Variants in CSMD1 observed in about 807,000 individuals in gnomAD.
The protein encoded by CSMD1 is CUB and sushi domain-containing protein 1.
A neutral mutation model predicts 417.5 loss-of-function variants in CSMD1; 213 were observed. That is an observed-to-expected ratio of 0.51 (90% CI 0.46 to 0.57). The LOEUF is 0.57. Ranked by LOEUF, CSMD1 falls within the 20% of genes least tolerant of loss-of-function variation. The probability of loss-of-function intolerance (pLI) is 0.00; values close to 1 mark genes in which losing one functional copy is unlikely to be tolerated. For synonymous variants in CSMD1, 2,862 were observed against 1,736.8 expected (o/e 1.65, Z -16.11); for missense variants, 6,923 against 4,529.7 (o/e 1.53, Z -15.17).
At chr8:4,218,289 T>C (rs1437673147) in intron 3 of CSMD1, among the ~76,000 whole-genome samples, 1 of 152,232 alleles carries the variant, frequency 6.6e-6, no homozygotes, top group East Asian at 1.9e-4. Flanking sequence ...CATCCAAGTT[T>C]GACTTTCCTA....
At chr8:4,501,435 T>C (rs1206478535) in intron 2 of CSMD1, among the ~76,000 whole-genome samples, 2 of 152,134 alleles carry the variant, frequency 1.3e-5, no homozygotes, top group Non-Finnish European at 2.9e-5. Flanking sequence ...TTTGAAGAAG[T>C]CGAGGTGGAT....
At chr8:3,586,524 A>G (rs1800609644) in intron 8 of CSMD1, among the ~76,000 whole-genome samples, 1 of 152,032 alleles carries the variant, frequency 6.6e-6, no homozygotes, top group Non-Finnish European at 1.5e-5. Flanking sequence ...CATGACTAAG[A>G]CAGAATAAAA....
chr8:3,175,513 T>TGCC, intron 37 of CSMD1, among the ~76,000 whole-genome samples: 8 of 53,774 alleles, frequency 1.5e-4, no homozygotes, highest in South Asian at 8.1e-4. Context: ...GCCTGCCTTT[T>TGCC]TTCCTTCCTT....
At chr8:3,165,148 C>T (rs1454768893) in intron 37 of CSMD1, among the ~76,000 whole-genome samples, 2 of 152,164 alleles carry the variant, frequency 1.3e-5, no homozygotes, top group East Asian at 3.9e-4. Context: ...ATCTTTTCTT[C>T]TCCCTTCGCC....
chr8:4,135,331 G>C (rs897175905), intron 3 of CSMD1, among the ~76,000 whole-genome samples: 1 of 23,736 alleles, frequency 4.2e-5, no homozygotes, highest in Non-Finnish European at 1.0e-4. Flanking sequence ...AGCGAAGGAA[G>C]GGGAAAGAAG....
chr8:3,169,629 G>T (rs1045407467), intron 37 of CSMD1, among the ~76,000 whole-genome samples: 3 of 152,116 alleles, frequency 2.0e-5, no homozygotes, highest in African/African-American at 7.2e-5. Context: ...TGAACTGTAC[G>T]CTTAACAATA....
intron 30 of CSMD1, among the ~76,000 whole-genome samples, chr8:3,208,261 G>A (rs1325626161): frequency 1.3e-5 from 2 of 152,194 alleles, no homozygotes; most frequent in African/African-American, 2.4e-5. Flanking sequence ...AATTATTAGC[G>A]ATGGTAAAGT....
chr8:3,110,054 G>C (rs898509), intron 43 of CSMD1, 104 bp downstream of exon 43: 119,917 of 953,774 alleles, frequency 0.13, 8,322 homozygotes, highest in Non-Finnish European at 0.14. Context: ...TAGTATCTAA[G>C]AAGTTTATTC....
intron 2 of CSMD1, among the ~76,000 whole-genome samples, chr8:4,637,067 C>T (rs1206865100): frequency 6.6e-6 from 1 of 152,110 alleles, no homozygotes; most frequent in East Asian, 1.9e-4. Context: ...ACAAAAGCAG[C>T]CCAACGGGTT....
rs78348544 is a variant in CSMD1, at chr8:2,968,840, G to A, written c.8924-2094C>T. Among the ~76,000 whole-genome samples, 848 of 152,158 alleles carry A rather than the reference G, an allele frequency of 5.6e-3. 6 individuals carry two copies. Among genetic ancestry groups the A allele is most frequent in the African/African-American group, 0.019 (788 of 41,528 alleles). On this transcript the variant is annotated intron_variant, in intron 57 of 69. Transcript: ENST00000635120. The stretch of plus-strand genomic sequence containing the variant: ...AACTTTGCCATATTTTCTCTTTCCT[G>A]AGTTTATTTTCTTTTGAAATATGCT...
chr8:4,083,212 C>G (rs913269269), intron 3 of CSMD1, among the ~76,000 whole-genome samples: 6 of 152,146 alleles, frequency 3.9e-5, no homozygotes, highest in Non-Finnish European at 8.8e-5. Flanking sequence ...AATGGTTGAA[C>G]TAGTTTACAG....
intron 5 of CSMD1, among the ~76,000 whole-genome samples, chr8:3,841,829 G>C (rs1803156936): frequency 6.6e-6 from 1 of 152,082 alleles, no homozygotes; most frequent in South Asian, 2.1e-4. Flanking sequence ...AAAGCACCGA[G>C]ACTTTGCATC....
At chr8:4,950,574 G>C (rs1030232102) in intron 1 of CSMD1, among the ~76,000 whole-genome samples, 29 of 152,066 alleles carry the variant, frequency 1.9e-4, no homozygotes, top group African/African-American at 7.0e-4. Context: ...TATAAATTTA[G>C]TTTCTATGTA....
At chr8:4,189,782 G>A (rs937852359) in intron 3 of CSMD1, among the ~76,000 whole-genome samples, 1 of 152,044 alleles carries the variant, frequency 6.6e-6, no homozygotes, top group East Asian at 1.9e-4. Context: ...GCACACAAAG[G>A]ATAATTTTAT....
At chr8:3,336,378 A>G (rs1389619344) in intron 23 of CSMD1, among the ~76,000 whole-genome samples, 1 of 152,174 alleles carries the variant, frequency 6.6e-6, no homozygotes, top group Non-Finnish European at 1.5e-5. Context: ...AGCCTTTTTC[A>G]TGACCCCTGT....
At chr8:4,423,207 C>G (rs1037529281) in intron 2 of CSMD1, among the ~76,000 whole-genome samples, 2 of 151,896 alleles carry the variant, frequency 1.3e-5, no homozygotes, top group African/African-American at 4.8e-5. Flanking sequence ...GAATATCCTG[C>G]AAATACAATA....
intron 3 of CSMD1, among the ~76,000 whole-genome samples, chr8:4,341,925 G>T (rs1001846673): frequency 6.6e-6 from 1 of 152,048 alleles, no homozygotes; most frequent in African/African-American, 2.4e-5. Context: ...CTTAGAATTA[G>T]TACTATGCTT....
intron 5 of CSMD1, among the ~76,000 whole-genome samples, chr8:3,955,746 C>T (rs947343196): frequency 1.3e-5 from 2 of 152,144 alleles, no homozygotes; most frequent in African/African-American, 4.8e-5. Flanking sequence ...AAGAAAAAAA[C>T]AGGGTCAAAT....
chr8:3,231,038 G>A (rs1432166619), intron 26 of CSMD1, among the ~76,000 whole-genome samples: 2 of 152,092 alleles, frequency 1.3e-5, no homozygotes, highest in African/African-American at 2.4e-5. Flanking sequence ...CCCATATGCA[G>A]CCATCGACTC....
Sources: gnomAD v4.1 joint callset for allele counts (sites outside exome capture counted in the v4.1 genomes callset) on GRCh38, gnomAD v4.1.1 for gene constraint, MANE v1.5 for transcripts, NCBI Gene and HGNC (gene_info 2026-07-23, HGNC 2026-07-21) for gene names.